PHRF1: variants seen among roughly 807,000 people sequenced by gnomAD.
PHRF1 encodes the protein PHD and RING finger domain-containing protein 1.
In PHRF1, 53 loss-of-function variants were observed where a neutral mutation model predicts 128.9. That is an observed-to-expected ratio of 0.41 (90% CI 0.33 to 0.52). The LOEUF is 0.52. Among genes scored for constraint, PHRF1 ranks in the 20% least tolerant of loss-of-function variants. The probability of loss-of-function intolerance (pLI) is 0.21; values close to 1 mark genes in which losing one functional copy is unlikely to be tolerated. For synonymous variants in PHRF1, 1,178 were observed against 980.6 expected (o/e 1.20, Z -3.76); for missense variants, 2,503 against 2,284.5 (o/e 1.10, Z -1.95).
In PHRF1 at chr11:608,223, A is replaced by G. The variant is rs767699511; in HGVS notation, c.2767A>G (p.Thr923Ala). ...CTCTGACACGGAGCGAGAGGAGCCC[A>G]CAGAGAGCCAGGGCCTGGCTGCCCG... ...GASDTEREEP[T>A]ESQGLAARLR... The change falls in exon 14 of 18, where the codon ACA (threonine) becomes GCA (alanine). Residue 923 changes from threonine (T) to alanine (A), a missense_variant. Transcript: ENST00000264555. 2.5e-6 allele frequency: 4 copies of G among 1,609,722 alleles called. No homozygotes were observed. The highest frequency in any genetic ancestry group is 3.4e-6 in the Non-Finnish European group (4 of 1,179,808).
At position 611,740 on chromosome 11, in the gene PHRF1, C is replaced by A. The variant is rs73398389; in HGVS notation, c.4913C>A (p.Ala1638Asp). 2 of 1,611,648 alleles carry A rather than the reference C, an allele frequency of 1.2e-6. No individual in the cohort carries two copies. The highest frequency in any genetic ancestry group is 1.7e-6 in the Non-Finnish European group (2 of 1,179,512). ...ATGCGCAGGCACAAGAAACCAGAGG[C>A]CGGGGAGGAGCCGCCCACGCAGGGG... ...RHMRRHKKPE[A>D]GEEPPTQGAE... The change falls in exon 18 of 18, where the codon GCC becomes GAC. Residue 1638 changes from alanine to aspartate, a missense_variant. By Grantham distance (126) the Ala-to-Asp change is moderately radical. Coordinates refer to ENST00000264555, the MANE Select transcript of PHRF1 (RefSeq NM_001286581.2).
intron 6 of PHRF1, among the ~76,000 whole-genome samples, chr11:592,935 A>G (rs1230181326): frequency 6.6e-6 from 1 of 152,268 alleles, no homozygotes; most frequent in East Asian, 1.9e-4. Context: ...ACAGCCGGAC[A>G]GGAGGCTGTG....
Position 607,187 on chromosome 11 carries a change from G to A in PHRF1, c.1731G>A (p.Arg577=). ...GSPAQGPSGN[R]PQSTGLSCQG... ...CGGCCCAAGGCCCGTCAGGAAACAG[G>A]CCACAGAGCACAGGGCTCAGCTGTC... Residue 577 remains arginine (R), a synonymous_variant, in exon 14 of 18, where the codon AGG becomes AGA. Coordinates refer to ENST00000264555, the MANE Select transcript of PHRF1 (RefSeq NM_001286581.2). 1 of 1,612,610 alleles carries A rather than the reference G, an allele frequency of 6.2e-7. No individual in the cohort carries two copies. The highest frequency in any genetic ancestry group is 8.5e-7 in the Non-Finnish European group (1 of 1,179,792).
At chr11:577,724 G>T (rs1050463609) in intron 1 of PHRF1, among the ~76,000 whole-genome samples, 3 of 152,250 alleles carry the variant, frequency 2.0e-5, no homozygotes, top group Admixed American at 6.5e-5. Context: ...TTGAGGTGTT[G>T]GACTTGGCTG....
intron 10 of PHRF1, among the ~76,000 whole-genome samples, chr11:604,120 C>T (rs1206221801): frequency 6.6e-6 from 1 of 152,246 alleles, no homozygotes; most frequent in African/African-American, 2.4e-5. Context: ...CCTGCTATTT[C>T]CCAGTTCTCA....
At position 610,208 on chromosome 11, in the gene PHRF1, A is replaced by G. The variant is rs1856278482; in HGVS notation, c.4277A>G (p.His1426Arg). Reference sequence around the variant, plus strand: ...GTCGGGCCCCCAGGGGCACCACTTCACAGGCCACAGAAGCCCCGAGAAGGA... The same window carrying G: ...GTCGGGCCCCCAGGGGCACCACTTCGCAGGCCACAGAAGCCCCGAGAAGGA... ...AEDRAPRAPL[H>R]RPQKPREGAW... Residue 1426 changes from histidine (H) to arginine (R), a missense_variant, in exon 15 of 18, where the codon CAC (histidine) becomes CGC (arginine). Transcript: ENST00000264555. The G allele has an allele frequency of 1.3e-6, 2 of 1,529,936 alleles. No homozygotes were observed. Among genetic ancestry groups the G allele is most frequent in the East Asian group, 4.9e-5 (2 of 40,642 alleles). The allele number at this position is 1,529,936 out of a possible 1,614,324, so 94.8% of individuals were successfully genotyped here.
At chr11:586,174 T>C (rs1854545337) in intron 3 of PHRF1, among the ~76,000 whole-genome samples, 1 of 151,988 alleles carries the variant, frequency 6.6e-6, no homozygotes, top group Non-Finnish European at 1.5e-5. Context: ...TTTTGTACTT[T>C]TAGTAGAGAC....
In PHRF1 at chr11:608,081, T is replaced by C. The variant is rs1185509303; in HGVS notation, c.2625T>C (p.Ala875=). 3 of 1,611,584 alleles carry C rather than the reference T, an allele frequency of 1.9e-6. No individual in the cohort carries two copies. In the African/African-American group the frequency reaches 4.0e-5, roughly 22 times the overall value. The part of the protein sequence containing the change: ...INSPKAQTVQ[A]VRCVTSYTVE... ...GCCCGAAGGCCCAGACGGTGCAGGC[T>C]GTGCGCTGCGTCACCTCCTACACGG... Residue 875 remains alanine, a synonymous_variant, in exon 14 of 18, where the codon GCT becomes GCC. Transcript: ENST00000264555.
Position 608,788 on chromosome 11 carries a change from A to G in PHRF1, c.3332A>G (p.Lys1111Arg). ...CACTATGAGAGTAGGAAGAAGAAGAAAAGGAGATCAGCGTCCAGACCTCGG... is the reference window on the plus strand; with the variant it reads ...CACTATGAGAGTAGGAAGAAGAAGAGAAGGAGATCAGCGTCCAGACCTCGG... ...YEHYESRKKK[K>R]RRSASRPRGR... Residue 1111 changes from lysine to arginine, a missense_variant, in exon 14 of 18, where the codon AAA becomes AGA. Coordinates refer to ENST00000264555, the MANE Select transcript of PHRF1 (RefSeq NM_001286581.2). The G allele has an allele frequency of 1.9e-6, 3 of 1,611,878 alleles. No individual in the cohort carries two copies. The highest frequency in any genetic ancestry group is 1.3e-5 in the African/African-American group (1 of 74,990).
At chr11:591,148 T>C (rs1360493480) in intron 4 of PHRF1, among the ~76,000 whole-genome samples, 1 of 152,224 alleles carries the variant, frequency 6.6e-6, no homozygotes, top group East Asian at 1.9e-4. Flanking sequence ...TTGTTCTTAC[T>C]TGTCACTGAG....
intron 13 of PHRF1, 51 bp from the exon 14 acceptor site, chr11:607,015 T>C (rs1855988048): frequency 6.6e-7 from 1 of 1,521,514 alleles, no homozygotes; most frequent in Admixed American, 2.2e-5. Context: ...ACCACTGACA[T>C]TTAAGAAGAG....
Position 611,064 on chromosome 11 carries a change from G to C in PHRF1, c.4788G>C (p.Leu1596=), listed in dbSNP as rs1195186671. 7 of 1,612,888 alleles carry C rather than the reference G, an allele frequency of 4.3e-6. No homozygotes were observed. The highest frequency in any genetic ancestry group is 5.9e-6 in the Non-Finnish European group (7 of 1,179,692). ...CCAAGGAGGAGTACAAGGACATCCT[G>C]CGCAAGGCCGTGCAGAAGGTGGGCT... is the stretch of plus-strand genomic sequence containing the variant. ...EVTKEEYKDI[L]RKAVQKICHS... The change falls in exon 17 of 18, where the codon CTG becomes CTC. Residue 1596 remains leucine, a synonymous_variant. Coordinates refer to ENST00000264555, the MANE Select transcript of PHRF1 (RefSeq NM_001286581.2).
Position 607,247 on chromosome 11 carries a change from G to A in PHRF1, c.1791G>A (p.Gly597=). ...GRSRTPARTA[G]APVRLDLPAA... is the part of the protein sequence containing the mutation. ...CCCGCACCCCCGCCCGCACCGCGGG[G>A]GCGCCTGTGAGGCTGGACTTGCCAG... The change falls in exon 14 of 18, where the codon GGG becomes GGA. Residue 597 remains glycine (G), a synonymous_variant. Transcript: ENST00000264555. The A allele has an allele frequency of 6.2e-7, 1 of 1,612,494 alleles. No homozygotes were observed. Among genetic ancestry groups the A allele is most frequent in the Non-Finnish European group, 8.5e-7 (1 of 1,179,780 alleles).
rs1005154138 is a variant in PHRF1, at chr11:579,119, C to T, written c.-21-2373C>T. 3.5e-4 allele frequency among the ~76,000 whole-genome samples: 54 copies of T among 152,292 alleles called. 1 individual carries two copies. The highest frequency in any genetic ancestry group is 5.2e-4 in the Admixed American group (8 of 15,292). On this transcript the variant is annotated intron_variant, in intron 1 of 17. Coordinates refer to ENST00000264555, the MANE Select transcript of PHRF1 (RefSeq NM_001286581.2). ...TCTCCCAAAGTGCTAGGATGACAGG[C>T]GTGAGCCACTGCACCTGGCTACCAA...
intron 3 of PHRF1, 122 bp from the exon 4 acceptor site, chr11:587,137 C>CG (rs1468983305): frequency 2.3e-6 from 2 of 859,960 alleles, no homozygotes; most frequent in South Asian, 1.6e-5. Context: ...CAGGAGCCTG[C>CG]GGGGAGGTGG....
chr11:583,112 G>A (rs529441956), intron 3 of PHRF1, among the ~76,000 whole-genome samples: 490 of 151,668 alleles, frequency 3.2e-3, no homozygotes, highest in Admixed American at 8.9e-3. Context: ...AGGCCGAGGC[G>A]GGCGGATCAG....
At position 609,290 on chromosome 11, in the gene PHRF1, C is replaced by T. The variant is rs533172530; in HGVS notation, c.3834C>T (p.Ala1278=). The T allele has an allele frequency of 2.7e-5, 43 of 1,612,502 alleles. No homozygotes were observed. The highest frequency in any genetic ancestry group is 6.7e-5 in the East Asian group (3 of 44,874). ...GHVFDDFSSD[A]VFIQLDDMSS... is the part of the protein sequence containing the mutation. ...TCTTTGATGATTTCTCAAGCGACGC[C>T]GTTTTCATCCAGCTCGATGACATGA... Residue 1278 remains alanine (A), a synonymous_variant, in exon 14 of 18, where the codon GCC becomes GCT. Coordinates refer to ENST00000264555, the MANE Select transcript of PHRF1 (RefSeq NM_001286581.2).
chr11:592,415 C>T lies in PHRF1; in HGVS notation c.505-144C>T, dbSNP rs371041287. ...GAAAACATAAAAATCCCTGTGTACA[C>T]GTGGAGGGAGACCCTCTGGGCCTGT... On this transcript the variant is annotated intron_variant, in intron 5 of 17. Transcript: ENST00000264555. 61 of 744,598 alleles carry T rather than the reference C, an allele frequency of 8.2e-5. No individual in the cohort carries two copies. The Middle Eastern group carries it at 1.4e-3, about 17-fold the overall frequency. The allele number at this position is 744,598 out of a possible 1,614,324, so 46.1% of individuals were successfully genotyped here.
chr11:598,432 T>A lies in PHRF1; in HGVS notation c.954T>A (p.Thr318=). Residue 318 remains threonine, a synonymous_variant, in exon 9 of 18, where the codon ACT becomes ACA. Transcript: ENST00000264555. ...ATGAAGCCATCGAGGCTGTGGCGACTGGCCTGAGCACTGCCGTGTATCAGC... is the reference window on the plus strand; with the variant it reads ...ATGAAGCCATCGAGGCTGTGGCGACAGGCCTGAGCACTGCCGTGTATCAGC... ...LLDEAIEAVA[T]GLSTAVYQRP... is the part of the protein sequence containing the mutation. 1 of 1,611,388 alleles carries A rather than the reference T, an allele frequency of 6.2e-7. No homozygotes were observed. Among genetic ancestry groups the A allele is most frequent in the South Asian group, 1.1e-5 (1 of 91,036 alleles).
Sources: allele counts gnomAD v4.1 joint callset (sites outside exome capture counted in the v4.1 genomes callset), GRCh38; gene constraint gnomAD v4.1.1; transcripts MANE v1.5; gene names NCBI Gene and HGNC (gene_info 2026-07-23, HGNC 2026-07-21).